Variants in VAMP1 observed in about 807,000 individuals in gnomAD.
VAMP1 encodes the protein vesicle associated membrane protein 1.
A neutral mutation model predicts 19.1 loss-of-function variants in VAMP1; 16 were observed. The observed-to-expected ratio is 0.84, with a 90% CI of 0.57 to 1.27. The LOEUF (loss-of-function observed/expected upper bound fraction) is 1.27. Among genes scored for constraint, VAMP1 ranks in the 50% most tolerant of loss-of-function variants. The pLI, the probability that VAMP1 is intolerant of heterozygous loss-of-function variation, is 0.00. For missense variants in VAMP1, 109 were observed against 145.4 expected (o/e 0.75, Z 1.29); for synonymous variants, 37 against 50.2 (o/e 0.74, Z 1.11).
At chr12:6,465,383 T>C (rs199859700) in intron 3 of VAMP1, 23 of 87,456 alleles carry the variant, frequency 2.6e-4, no homozygotes, top group Non-Finnish European at 4.0e-4. Flanking sequence ...AATGTATATA[T>C]ATGTATATAT....
chr12:6,467,902 T>C (rs372572370), intron 1 of VAMP1, among the ~76,000 whole-genome samples: 3 of 152,342 alleles, frequency 2.0e-5, no homozygotes, highest in African/African-American at 7.2e-5. Flanking sequence ...CACATGGTGT[T>C]GAGCCTGCAG....
In VAMP1 at chr12:6,470,461, C is replaced by A. The variant is rs958943163; in HGVS notation, c.2+69G>T. The stretch of plus-strand genomic sequence containing the variant: ...TGCTGCATTGCGCCATTTTCCGTCC[C>A]GCAGAATCGGGAGCTTGGGGCGAGA... On this transcript the variant is annotated intron_variant, in intron 1 of 4. Transcript: ENST00000396308. The A allele has an allele frequency of 9.3e-6, 15 of 1,610,160 alleles. No individual in the cohort carries two copies. In the East Asian group the frequency reaches 2.9e-4, roughly 31 times the overall value.
Position 6,464,476 on chromosome 12 carries a change from A to G in VAMP1, c.351T>C (p.Phe117=), listed in dbSNP as rs749492649. 7.1e-6 allele frequency: 11 copies of G among 1,541,874 alleles called. No individual in the cohort carries two copies. In the African/African-American group the frequency reaches 8.3e-5, roughly 12 times the overall value. The change falls in exon 5 of 5, where the codon TTT becomes TTC. Residue 117 remains phenylalanine (F), a synonymous_variant. Coordinates refer to ENST00000396308, the MANE Select transcript of VAMP1 (RefSeq NM_014231.5). The part of the protein sequence containing the change: ...IIVVVIVIYF[F]T ...GGGAAGGGGTGGTACATTCTCAAGT[A>G]AAAAAGTAGACTGGACACAGGAATC...
At position 6,463,133 on chromosome 12, in the gene VAMP1, G is replaced by T; in HGVS notation, c.*1337C>A. 6.7e-7 allele frequency: 1 copy of T among 1,486,096 alleles called. No individual in the cohort carries two copies. Among genetic ancestry groups the T allele is most frequent in the Non-Finnish European group, 8.9e-7 (1 of 1,122,008 alleles). 92.1% of individuals were successfully genotyped at this position (1,486,096 alleles called of 1,614,324 possible). A position where few individuals can be genotyped will look rare whatever the true frequency, so the allele number is the denominator to read the frequency against. On this transcript the variant is annotated 3_prime_UTR_variant, in exon 5 of 5. Transcript: ENST00000396308. The surrounding 1 kb of genome is among the most constrained non-coding windows in gnomAD (Gnocchi z 4.0). ...TAGGCTGAGCAGATCCCATCCTCAG[G>T]TTCCACTGTCTATACACACAAACCA...
intron 4 of VAMP1, 150 bp downstream of exon 4, chr12:6,464,740 C>A (rs2137003712): frequency 6.6e-7 from 1 of 1,519,454 alleles, no homozygotes; most frequent in East Asian, 2.3e-5. Context: ...CTCTGCCCTT[C>A]CCCCGTCCCG....
At position 6,470,626 on chromosome 12, in the gene VAMP1, A is replaced by T. The variant is rs1016065420; in HGVS notation, c.-95T>A. The T allele has an allele frequency of 1.4e-5, 21 of 1,544,082 alleles. 1 individual carries two copies. The Middle Eastern group carries it at 1.9e-3, about 137-fold the overall frequency. The stretch of plus-strand genomic sequence containing the variant: ...TGCGGCTGAAGTGGACGGAACTGCC[A>T]AGCTCCGCCTCGCGCCGACTACCCC... On this transcript the variant is annotated 5_prime_UTR_variant, in exon 1 of 5. Transcript: ENST00000396308.
chr12:6,464,830 G>A, intron 4 of VAMP1, 60 bp downstream of exon 4: 24 of 1,611,058 alleles, frequency 1.5e-5, no homozygotes, highest in Non-Finnish European at 2.0e-5. Flanking sequence ...AGGCAGGCAG[G>A]GAGAAGACTC....
rs1705104509 is a variant in VAMP1, at chr12:6,462,548, G to C, written c.*1922C>G. 1.9e-6 allele frequency: 1 copy of C among 529,816 alleles called. No homozygotes were observed. The highest frequency in any genetic ancestry group is 3.0e-5 in the East Asian group (1 of 32,836). The allele number at this position is 529,816 out of a possible 1,614,324, so 32.8% of individuals were successfully genotyped here. ...GGGGATAGCAGAGACACACAGAAGA[G>C]GGTACAGGGTGGGTGAGAAAGAAAG... is the stretch of plus-strand genomic sequence containing the variant. On this transcript the variant is annotated 3_prime_UTR_variant, in exon 5 of 5. Transcript: ENST00000396308.
Position 6,470,672 on chromosome 12 carries a change from CT to C in VAMP1, c.-142del. ...ACCCCGCGGTCTAGCTGCGCTGGAACTTACTGCAGCTGCCGCGCCGGCCTCC... is the reference window on the plus strand; with the variant it reads ...ACCCCGCGGTCTAGCTGCGCTGGAACTACTGCAGCTGCCGCGCCGGCCTCC... On this transcript the variant is annotated 5_prime_UTR_variant, in exon 1 of 5. Coordinates refer to ENST00000396308, the MANE Select transcript of VAMP1 (RefSeq NM_014231.5). 1.9e-6 allele frequency: 2 copies of C among 1,064,378 alleles called. No individual in the cohort carries two copies. Among genetic ancestry groups the C allele is most frequent in the Non-Finnish European group, 2.8e-6 (2 of 711,632 alleles). 65.9% of individuals were successfully genotyped at this position (1,064,378 alleles called of 1,614,324 possible).
At position 6,462,805 on chromosome 12, in the gene VAMP1, G is replaced by T; in HGVS notation, c.*1665C>A. ...AGACCTTCGAGGGGGGCCGTTGGGA[G>T]GGTACTGACTGCTTTCTTCCAGCTC... is the stretch of plus-strand genomic sequence containing the variant. On this transcript the variant is annotated 3_prime_UTR_variant, in exon 5 of 5. Transcript: ENST00000396308. 2 of 1,596,906 alleles carry T rather than the reference G, an allele frequency of 1.3e-6. No individual in the cohort carries two copies. Among genetic ancestry groups the T allele is most frequent in the Non-Finnish European group, 1.7e-6 (2 of 1,170,184 alleles).
rs544443406 is a variant in VAMP1 at position 6,469,860 on chromosome 12, C to T, written c.2+670G>A. On this transcript the variant is annotated intron_variant, in intron 1 of 4. Coordinates refer to ENST00000396308, the MANE Select transcript of VAMP1 (RefSeq NM_014231.5). ...AAGCTCAGCTCTCCCTATTTCTCCT[C>T]CAACTATTTGGTAAGACTCGGTGAT... is the stretch of plus-strand genomic sequence containing the variant. Among the ~76,000 whole-genome samples, 16 of 152,302 alleles carry T rather than the reference C, an allele frequency of 1.1e-4. No individual in the cohort carries two copies. The South Asian group carries it at 3.1e-3, about 30-fold the overall frequency.
rs1949946686 is a variant in VAMP1 at position 6,464,183 on chromosome 12, T to C, written c.*287A>G. 1 of 1,459,436 alleles carries C rather than the reference T, an allele frequency of 6.9e-7. No individual in the cohort carries two copies. The highest frequency in any genetic ancestry group is 1.4e-5 in the African/African-American group (1 of 71,284). 90.4% of individuals were successfully genotyped at this position (1,459,436 alleles called of 1,614,324 possible). A position where few individuals can be genotyped will look rare whatever the true frequency, so the allele number is the denominator to read the frequency against. On this transcript the variant is annotated 3_prime_UTR_variant, in exon 5 of 5. Coordinates refer to ENST00000396308, the MANE Select transcript of VAMP1 (RefSeq NM_014231.5). ...CCCCTCCCTGCCCCTTCCCTTGGCC[T>C]CCAACTCTTTGGGGCTTTGGGGGAA... is the stretch of plus-strand genomic sequence containing the variant.
rs1256998392 is a variant in VAMP1 at position 6,465,401 on chromosome 12, AATGTATATAT to A, written c.288+431_288+440del. The A allele has an allele frequency of 7.2e-3, 489 of 67,614 alleles. 7 individuals are homozygous for A. The highest frequency in any genetic ancestry group is 0.038 in the East Asian group (50 of 1,328). 4.2% of individuals were successfully genotyped at this position (67,614 alleles called of 1,614,324 possible). On this transcript the variant is annotated intron_variant, in intron 3 of 4. Coordinates refer to ENST00000396308, the MANE Select transcript of VAMP1 (RefSeq NM_014231.5). ...GTATATATATGTATATATATATATA[AATGTATATAT>A]ATGTATATATATATATAAATGTATA...
intron 1 of VAMP1, among the ~76,000 whole-genome samples, chr12:6,467,831 G>T (rs913647924): frequency 6.6e-6 from 1 of 152,240 alleles, no homozygotes; most frequent in East Asian, 1.9e-4. Context: ...GGCTGAGAGG[G>T]GCCAATGCAG....
At position 6,464,889 on chromosome 12, in the gene VAMP1, C is replaced by T. The variant is rs1302757024; in HGVS notation, c.340+1G>A. On this transcript the variant is annotated splice_donor_variant, in intron 4 of 4. Transcript: ENST00000396308. LOFTEE classifies it high-confidence loss of function. ...CCACCAGCAACTTCAGCGATACTTA[C>T]TTACAATAACTACCACGATGATGGC... 1 of 1,614,070 alleles carries T rather than the reference C, an allele frequency of 6.2e-7. No homozygotes were observed. Among genetic ancestry groups the T allele is most frequent in the East Asian group, 2.2e-5 (1 of 44,878 alleles).
rs763594674 is a variant in VAMP1, at chr12:6,464,352, G to A, written c.*118C>T. Reference sequence around the variant, plus strand: ...CAACGAAAAAGGAGGAATGGGTGATGGAGAAGCCTGGGCTGGAATGGAGGA... The same window carrying A: ...CAACGAAAAAGGAGGAATGGGTGATAGAGAAGCCTGGGCTGGAATGGAGGA... On this transcript the variant is annotated 3_prime_UTR_variant, in exon 5 of 5. Coordinates refer to ENST00000396308, the MANE Select transcript of VAMP1 (RefSeq NM_014231.5). The A allele has an allele frequency of 1.0e-4, 161 of 1,551,324 alleles. No individual in the cohort carries two copies. In the Middle Eastern group the frequency reaches 1.2e-3, roughly 11 times the overall value.
chr12:6,470,589 G>A lies in VAMP1; in HGVS notation c.-58C>T. On this transcript the variant is annotated 5_prime_UTR_variant, in exon 1 of 5. Transcript: ENST00000396308. The stretch of plus-strand genomic sequence containing the variant: ...CTCCGGAGGCTGCGGCGAGACACCC[G>A]GTGAGGGACGCTGCGGCTGAAGTGG... 1 of 1,610,014 alleles carries A rather than the reference G, an allele frequency of 6.2e-7. No homozygotes were observed. Among genetic ancestry groups the A allele is most frequent in the Non-Finnish European group, 8.5e-7 (1 of 1,176,988 alleles).
At chr12:6,467,364 T>TA (rs1224383828) in intron 1 of VAMP1, among the ~76,000 whole-genome samples, 1 of 152,154 alleles carries the variant, frequency 6.6e-6, no homozygotes, top group Non-Finnish European at 1.5e-5. Context: ...AAAATGCTGT[T>TA]AGTGATATGA....
At position 6,464,311 on chromosome 12, in the gene VAMP1, A is replaced by G. The variant is rs1343803681; in HGVS notation, c.*159T>C. The G allele has an allele frequency of 1.3e-6, 2 of 1,546,710 alleles. No homozygotes were observed. The highest frequency in any genetic ancestry group is 2.7e-5 in the African/African-American group (2 of 72,916). On this transcript the variant is annotated 3_prime_UTR_variant, in exon 5 of 5. Coordinates refer to ENST00000396308, the MANE Select transcript of VAMP1 (RefSeq NM_014231.5). Reference sequence around the variant, plus strand: ...AGCAGCATTTCTAGTGTTGAGGGACAGAGTGCAAATGAACGCAACGAAAAA... The same window carrying G: ...AGCAGCATTTCTAGTGTTGAGGGACGGAGTGCAAATGAACGCAACGAAAAA...
Sources: gnomAD v4.1 joint callset for allele counts (sites outside exome capture counted in the v4.1 genomes callset) on GRCh38, gnomAD v4.1.1 for gene constraint, Gnocchi (gnomAD v3.1) non-coding constraint, MANE v1.5 for transcripts, NCBI Gene and HGNC (gene_info 2026-07-23, HGNC 2026-07-21) for gene names.